L3MBTL4: variants seen among roughly 807,000 people sequenced by gnomAD.
L3MBTL4 encodes L3MBTL histone methyl-lysine binding protein 4, also known as lethal(3)malignant brain tumor-like protein 4.
In L3MBTL4, 70 loss-of-function variants were observed where a neutral mutation model predicts 84.5. The ratio of observed to expected loss-of-function variants is 0.83; its 90% CI spans 0.68 to 1.01. L3MBTL4 has a LOEUF of 1.01. L3MBTL4 is among the 50% of genes least tolerant of loss of function. The probability of loss-of-function intolerance (pLI) is 0.00; values close to 1 mark genes in which losing one functional copy is unlikely to be tolerated. For synonymous variants in L3MBTL4, 274 were observed against 259.8 expected (o/e 1.05, Z -0.52); for missense variants, 715 against 754.8 (o/e 0.95, Z 0.62).
chr18:6,051,916 G>A (rs1347949867), intron 16 of L3MBTL4, among the ~76,000 whole-genome samples: 1 of 152,206 alleles, frequency 6.6e-6, no homozygotes, highest in Non-Finnish European at 1.5e-5. Context: ...CTGTGGGGCT[G>A]GAACAGATAT....
intron 16 of L3MBTL4, among the ~76,000 whole-genome samples, chr18:6,066,664 A>G (rs954005415): frequency 2.6e-5 from 4 of 152,140 alleles, no homozygotes; most frequent in Non-Finnish European, 4.4e-5. Flanking sequence ...TTTGTGTGAT[A>G]TAAGAATAGC....
In L3MBTL4 at chr18:6,304,943, T is replaced by G. The variant is rs1212686344; in HGVS notation, c.73-2986A>C. On this transcript the variant is annotated intron_variant, in intron 3 of 18. Coordinates refer to ENST00000317931, the MANE Select transcript of L3MBTL4 (RefSeq NM_001330559.2). The stretch of plus-strand genomic sequence containing the variant: ...ATGCTATCTGTCGCTCAGTGAGTGT[T>G]TGGTTCACACTTCTGTATTTGCTAC... Among the ~76,000 whole-genome samples the G allele has an allele frequency of 3.3e-5, 5 of 152,172 alleles. No homozygotes were observed. In the South Asian group the frequency reaches 1.0e-3, roughly 32 times the overall value.
intron 14 of L3MBTL4, among the ~76,000 whole-genome samples, chr18:6,124,672 G>A (rs988722019): frequency 6.6e-6 from 1 of 152,060 alleles, no homozygotes; most frequent in African/African-American, 2.4e-5. Flanking sequence ...GATTTTAAAT[G>A]TAATATGCAG....
intron 16 of L3MBTL4, among the ~76,000 whole-genome samples, chr18:6,011,993 T>C (rs554756426): frequency 6.6e-6 from 1 of 152,348 alleles, no homozygotes; most frequent in South Asian, 2.1e-4. Context: ...ACCTTTTCTT[T>C]TGTTCTTTGG....
rs564930214 is a variant in L3MBTL4 at position 6,261,995 on chromosome 18, C to A, written c.219+1952G>T. Among the ~76,000 whole-genome samples, 3 of 152,242 alleles carry A rather than the reference C, an allele frequency of 2.0e-5. No homozygotes were observed. The East Asian group carries it at 5.8e-4, about 29-fold the overall frequency. On this transcript the variant is annotated intron_variant, in intron 5 of 18. Coordinates refer to ENST00000317931, the MANE Select transcript of L3MBTL4 (RefSeq NM_001330559.2). Reference sequence around the variant, plus strand: ...TGGGGGGGTGGGGTGTAAGAGAGGACCCTTGCCCTGGGACCCTGATCTGAG... The same window carrying A: ...TGGGGGGGTGGGGTGTAAGAGAGGAACCTTGCCCTGGGACCCTGATCTGAG...
rs538033670 is a variant in L3MBTL4 at position 6,321,924 on chromosome 18, A to G, written c.-90-9868T>C. 5.9e-5 allele frequency among the ~76,000 whole-genome samples: 9 copies of G among 151,650 alleles called. No homozygotes were observed. In the South Asian group the frequency reaches 1.9e-3, roughly 32 times the overall value. Reference sequence around the variant, plus strand: ...GGAGGCTAGAAAGGGGGTGAGGGAGAAAAAAAAACTACATATTTGGTATAA... The same window carrying G: ...GGAGGCTAGAAAGGGGGTGAGGGAGGAAAAAAAACTACATATTTGGTATAA... On this transcript the variant is annotated intron_variant, in intron 1 of 18. Coordinates refer to ENST00000317931, the MANE Select transcript of L3MBTL4 (RefSeq NM_001330559.2).
At chr18:6,285,270 G>A (rs1417313098) in intron 4 of L3MBTL4, among the ~76,000 whole-genome samples, 1 of 152,136 alleles carries the variant, frequency 6.6e-6, no homozygotes, top group Non-Finnish European at 1.5e-5. Context: ...AGGATGGTGG[G>A]GGCACTGAAC....
intron 16 of L3MBTL4, among the ~76,000 whole-genome samples, chr18:5,974,415 C>T (rs904649873): frequency 1.9e-5 from 2 of 106,938 alleles, no homozygotes; most frequent in Admixed American, 9.1e-5. Flanking sequence ...ATTGCTTGCC[C>T]TTCCTATAGA....
At chr18:6,000,558 T>C (rs2054166984) in intron 16 of L3MBTL4, among the ~76,000 whole-genome samples, 1 of 152,108 alleles carries the variant, frequency 6.6e-6, no homozygotes, top group Non-Finnish European at 1.5e-5. Context: ...TTAGAGAAGG[T>C]GATTCAACAC....
chr18:6,031,438 G>A, intron 16 of L3MBTL4: 1 of 985,454 alleles, frequency 1.0e-6, no homozygotes. Flanking sequence ...AAGTTGCGAG[G>A]TGGGACCATT....
At chr18:6,185,124 T>C (rs574039781) in intron 12 of L3MBTL4, among the ~76,000 whole-genome samples, 2 of 152,346 alleles carry the variant, frequency 1.3e-5, no homozygotes, top group South Asian at 2.1e-4. Flanking sequence ...TTACAGGATA[T>C]GCAGGTCAAA....
At chr18:6,070,149 G>C (rs539390068) in intron 16 of L3MBTL4, among the ~76,000 whole-genome samples, 1 of 152,044 alleles carries the variant, frequency 6.6e-6, no homozygotes, top group African/African-American at 2.4e-5. Context: ...TATTTGAGGA[G>C]ATAATGGTCA....
At chr18:6,329,674 T>G (rs1374853548) in intron 1 of L3MBTL4, among the ~76,000 whole-genome samples, 3 of 152,154 alleles carry the variant, frequency 2.0e-5, no homozygotes, top group Non-Finnish European at 2.9e-5. Context: ...GGTGCACAGG[T>G]ATGACATGGT....
chr18:6,152,305 AT>A (rs142872483), intron 13 of L3MBTL4, among the ~76,000 whole-genome samples: 2,470 of 149,604 alleles, frequency 0.017, 52 homozygotes, highest in African/African-American at 0.052. Flanking sequence ...AGGAACCTCC[AT>A]TTTTTTTTTC....
chr18:6,001,891 TAAAAGCTTCCC>T (rs2054232228), intron 16 of L3MBTL4, among the ~76,000 whole-genome samples: 1 of 152,094 alleles, frequency 6.6e-6, no homozygotes, highest in Non-Finnish European at 1.5e-5. Context: ...AAACAATGGC[TAAAAGCTTCCC>T]AAATTTAAGG....
At chr18:6,050,131 A>G (rs1284746695) in intron 16 of L3MBTL4, among the ~76,000 whole-genome samples, 1 of 152,202 alleles carries the variant, frequency 6.6e-6, no homozygotes, top group African/African-American at 2.4e-5. Context: ...TAAGAGGCCA[A>G]ACTTTTTTTA....
chr18:6,115,708 G>A (rs548424476), intron 14 of L3MBTL4, among the ~76,000 whole-genome samples: 13 of 152,226 alleles, frequency 8.5e-5, no homozygotes, highest in Non-Finnish European at 1.8e-4. Context: ...GGTTTACAGA[G>A]TAAGCATGGC....
At chr18:6,289,328 T>C (rs780206881) in intron 4 of L3MBTL4, among the ~76,000 whole-genome samples, 1 of 152,218 alleles carries the variant, frequency 6.6e-6, no homozygotes, top group African/African-American at 2.4e-5. Context: ...TAGTCCTCTA[T>C]ATTTAAAACA....
At chr18:6,177,270 A>G (rs1340789982) in intron 12 of L3MBTL4, among the ~76,000 whole-genome samples, 4 of 152,224 alleles carry the variant, frequency 2.6e-5, no homozygotes, top group Non-Finnish European at 5.9e-5. Context: ...TGTCCATAAA[A>G]CGAATGCTAG....
Sources: allele counts gnomAD v4.1 joint callset (sites outside exome capture counted in the v4.1 genomes callset), GRCh38; gene constraint gnomAD v4.1.1; transcripts MANE v1.5; gene names NCBI Gene and HGNC (gene_info 2026-07-23, HGNC 2026-07-21).